FANCD2: variants seen among roughly 807,000 people sequenced by gnomAD.
The protein encoded by FANCD2 is FA complementation group D2.
A neutral mutation model predicts 192.3 loss-of-function variants in FANCD2; 131 were observed. The ratio of observed to expected loss-of-function variants is 0.68; its 90% CI spans 0.59 to 0.79. The LOEUF is 0.79. Ranked by LOEUF, FANCD2 falls within the 30% of genes least tolerant of loss-of-function variation. The pLI, the probability that FANCD2 is intolerant of heterozygous loss-of-function variation, is 0.00. For synonymous variants in FANCD2, 524 were observed against 612.5 expected (o/e 0.86, Z 2.13); for missense variants, 1,508 against 1,701.6 (o/e 0.89, Z 2.00).
At chr3:10,044,452 G>A (rs1408604749) in intron 14 of FANCD2, among the ~76,000 whole-genome samples, 1 of 151,888 alleles carries the variant, frequency 6.6e-6, no homozygotes, top group East Asian at 1.9e-4. Context: ...CGGATCATCT[G>A]AGGTCAGGAG....
chr3:10,087,318 T>C (rs1694277569), intron 34 of FANCD2, 54 bp downstream of exon 34: 2 of 1,512,952 alleles, frequency 1.3e-6, no homozygotes, highest in East Asian at 2.3e-5. Context: ...AGGACTAATA[T>C]CTCACACTTA....
chr3:10,069,709 T>C (rs189306515), intron 26 of FANCD2, among the ~76,000 whole-genome samples: 35,438 of 151,848 alleles, frequency 0.23, 5,516 homozygotes, highest in African/African-American at 0.45. Context: ...AGTGATCCGC[T>C]AGCCTCAGCC....
At position 10,078,203 on chromosome 3, in the gene FANCD2, T is replaced by C. The variant is rs201875004; in HGVS notation, c.2976+6T>C. On this transcript the variant is annotated splice_donor_region_variant and intron_variant, in intron 30 of 43. Coordinates refer to ENST00000675286, the MANE Select transcript of FANCD2 (RefSeq NM_001018115.3). ...GGAGAGTCCCCTTTCTCAAGGTTAG[T>C]GTAGGCAGAAGCATAGGACTTGGGC... 2.9e-5 allele frequency: 46 copies of C among 1,560,814 alleles called. No individual in the cohort carries two copies. The African/African-American group carries it at 4.9e-4, about 17-fold the overall frequency.
At chr3:10,050,494 T>G (rs572956782) in intron 17 of FANCD2, among the ~76,000 whole-genome samples, 14 of 151,470 alleles carry the variant, frequency 9.2e-5, no homozygotes, top group Non-Finnish European at 1.3e-4. Context: ...ATCGTGGCGG[T>G]CGCCTGTAGT....
At chr3:10,085,275 A>C (rs141824868) in intron 32 of FANCD2, among the ~76,000 whole-genome samples, 9 of 152,290 alleles carry the variant, frequency 5.9e-5, no homozygotes, top group Non-Finnish European at 1.2e-4. Context: ...AAAGAAACCT[A>C]TGAAGACTTC....
intron 18 of FANCD2, among the ~76,000 whole-genome samples, chr3:10,053,289 C>A (rs1045581400): frequency 6.6e-6 from 1 of 151,078 alleles, no homozygotes; most frequent in Non-Finnish European, 1.5e-5. Flanking sequence ...CAAAAAACCG[C>A]ACACCGCATA....
chr3:10,098,650 C>A, intron 42 of FANCD2, 70 bp from the exon 43 acceptor site: 1 of 1,574,374 alleles, frequency 6.4e-7, no homozygotes. Flanking sequence ...CCTGTAAACT[C>A]AACCTTCTCC....
intron 37 of FANCD2, among the ~76,000 whole-genome samples, chr3:10,091,819 G>T (rs569815961): frequency 1.6e-4 from 25 of 152,336 alleles, no homozygotes; most frequent in Non-Finnish European, 1.2e-4. Context: ...CTACCACCGG[G>T]TGCAGTGGCG....
Position 10,090,228 on chromosome 3 carries a change from T to C in FANCD2, c.3684-64T>C. On this transcript the variant is annotated intron_variant, in intron 36 of 43. Coordinates refer to ENST00000675286, the MANE Select transcript of FANCD2 (RefSeq NM_001018115.3). ...AAGGAAGCTACTTTTGGTTCCTGGTTCTTCCCAGGTAGTTCTAAGCAGTGC... is the reference window on the plus strand; with the variant it reads ...AAGGAAGCTACTTTTGGTTCCTGGTCCTTCCCAGGTAGTTCTAAGCAGTGC... 3 of 1,238,108 alleles carry C rather than the reference T, an allele frequency of 2.4e-6. No homozygotes were observed. The South Asian group carries it at 3.6e-5, about 15-fold the overall frequency. The allele number at this position is 1,238,108 out of a possible 1,614,324, so 76.7% of individuals were successfully genotyped here. A position where few individuals can be genotyped will look rare whatever the true frequency, so the allele number is the denominator to read the frequency against.
intron 2 of FANCD2, among the ~76,000 whole-genome samples, chr3:10,031,674 A>G (rs2086606893): frequency 6.6e-6 from 1 of 152,110 alleles, no homozygotes; most frequent in Admixed American, 6.5e-5. Context: ...TGAGCATTGT[A>G]GTCAAAGATA....
rs749698541 is a variant in FANCD2 at position 10,043,513 on chromosome 3, A to G, written c.1019A>G (p.Gln340Arg). Residue 340 changes from glutamine (Q) to arginine (R), a missense_variant, in exon 13 of 44, where the codon CAG (glutamine) becomes CGG (arginine). Physicochemically the swap from Gln to Arg is conservative, Grantham distance 43. This residue lies in a region of FANCD2 where 435 missense variants were observed against 421.9 expected (regional missense o/e 1.03). Coordinates refer to ENST00000675286, the MANE Select transcript of FANCD2 (RefSeq NM_001018115.3). ...SSSGNQESSG[Q>R]SCIILLFDVI... ...TCAGGAAATCAAGAAAGCAGCGGTC[A>G]GAGCTGTATTATTCTCCTCTTTGAT... The G allele has an allele frequency of 3.7e-6, 6 of 1,613,946 alleles. No individual in the cohort carries two copies. The highest frequency in any genetic ancestry group is 5.1e-6 in the Non-Finnish European group (6 of 1,179,820).
chr3:10,070,323 A>G (rs1454911010), intron 26 of FANCD2, among the ~76,000 whole-genome samples: 1 of 146,868 alleles, frequency 6.8e-6, no homozygotes, highest in Non-Finnish European at 1.5e-5. Flanking sequence ...CCCGTCCGGG[A>G]GGGAGGTGGG....
intron 16 of FANCD2, among the ~76,000 whole-genome samples, chr3:10,048,464 C>T (rs141205856): frequency 9.1e-4 from 138 of 152,220 alleles, no homozygotes; most frequent in Non-Finnish European, 1.7e-3. Flanking sequence ...CCACCACGCC[C>T]GGTTAATTTT....
intron 38 of FANCD2, 88 bp downstream of exon 38, chr3:10,092,340 C>T (rs1352756181): frequency 2.1e-6 from 2 of 963,698 alleles, no homozygotes; most frequent in African/African-American, 3.2e-5. Context: ...CCTTGCTCCT[C>T]TTCCCACTCT....
intron 41 of FANCD2, 76 bp downstream of exon 41, chr3:10,095,350 C>A: frequency 8.7e-7 from 1 of 1,155,600 alleles, no homozygotes; most frequent in Non-Finnish European, 1.3e-6. Flanking sequence ...GATCCATGGG[C>A]TACCATCCTT....
chr3:10,092,158 G>T, intron 37 of FANCD2, 23 bp from the exon 38 acceptor site: 1 of 1,565,936 alleles, frequency 6.4e-7, no homozygotes, highest in Non-Finnish European at 8.8e-7. Context: ...ACTCAGAGGT[G>T]CCCATATATT....
intron 19 of FANCD2, 66 bp downstream of exon 19, chr3:10,060,469 C>T (rs2087534348): frequency 8.6e-7 from 1 of 1,165,488 alleles, no homozygotes; most frequent in Non-Finnish European, 1.3e-6. Context: ...AGTGTTACAT[C>T]TCATAGACAT....
chr3:10,079,591 G>C (rs1693719323), intron 30 of FANCD2, among the ~76,000 whole-genome samples: 1 of 152,202 alleles, frequency 6.6e-6, no homozygotes, highest in African/African-American at 2.4e-5. Flanking sequence ...CTCCCAAAGT[G>C]CTGGGATTAT....
intron 17 of FANCD2, among the ~76,000 whole-genome samples, chr3:10,050,112 A>T (rs1236959611): frequency 6.6e-6 from 1 of 152,186 alleles, no homozygotes. Context: ...TTTATTTTTT[A>T]GACAATAAGG....
Sources: allele counts gnomAD v4.1 joint callset (sites outside exome capture counted in the v4.1 genomes callset), GRCh38; gene constraint gnomAD v4.1.1; regional missense constraint gnomAD v4.1.1; transcripts MANE v1.5; gene names NCBI Gene and HGNC (gene_info 2026-07-23, HGNC 2026-07-21).